The following RIMS2 variants were observed in gnomAD, a reference collection of about 807,000 sequenced individuals.
RIMS2 encodes the protein regulating synaptic membrane exocytosis 2, also known as regulating synaptic membrane exocytosis protein 2.
Under a neutral mutation model 174.4 loss-of-function variants are expected in RIMS2, and 59 were observed. That is an observed-to-expected ratio of 0.34 (90% CI 0.27 to 0.42). RIMS2 has a LOEUF of 0.42. Ranked by LOEUF, RIMS2 falls within the 10% of genes least tolerant of loss-of-function variation. RIMS2 has a pLI of 1.00. For missense variants in RIMS2, 1,620 were observed against 1,666.3 expected, an observed-to-expected ratio of 0.97 and a Z score of 0.48; for synonymous variants, 606 against 572.5, an observed-to-expected ratio of 1.06 and a Z score of -0.84.
At chr8:104,036,236 C>T (rs62527157) in intron 19 of RIMS2, among the ~76,000 whole-genome samples, 27,435 of 151,690 alleles carry the variant, frequency 0.18, 2,784 homozygotes, top group South Asian at 0.35. Flanking sequence ...CTGCAAGCTC[C>T]GCCTCCTGGG....
intron 3 of RIMS2, among the ~76,000 whole-genome samples, chr8:103,775,072 G>T (rs1159312208): frequency 6.6e-6 from 1 of 151,926 alleles, no homozygotes; most frequent in Non-Finnish European, 1.5e-5. Flanking sequence ...AGTAAATTCA[G>T]AGATGCTTAT....
At chr8:103,929,632 A>C (rs1044247131) in intron 11 of RIMS2, among the ~76,000 whole-genome samples, 6 of 151,908 alleles carry the variant, frequency 3.9e-5, no homozygotes, top group Admixed American at 3.3e-4. Flanking sequence ...AATACCATAG[A>C]AATCAGTTGG....
intron 9 of RIMS2, among the ~76,000 whole-genome samples, chr8:103,919,601 G>A (rs927943837): frequency 6.6e-6 from 1 of 151,964 alleles, no homozygotes; most frequent in Non-Finnish European, 1.5e-5. Flanking sequence ...GACTTAAACC[G>A]TGGTGGTAGC....
chr8:103,567,942 G>T (rs1310532977), intron 1 of RIMS2, among the ~76,000 whole-genome samples: 1 of 152,006 alleles, frequency 6.6e-6, no homozygotes, highest in East Asian at 1.9e-4. Context: ...GTGCTCATTG[G>T]CTGTTTTTAT....
chr8:104,156,138 TAA>T (rs2098722365), intron 19 of RIMS2, among the ~76,000 whole-genome samples: 1 of 152,198 alleles, frequency 6.6e-6, no homozygotes. Context: ...CCTGAAAACT[TAA>T]TACAAAAGTT....
chr8:103,864,994 A>G (rs1001542542), intron 3 of RIMS2, among the ~76,000 whole-genome samples: 1 of 152,164 alleles, frequency 6.6e-6, no homozygotes, highest in African/African-American at 2.4e-5. Context: ...TGCTAACCAT[A>G]CTATACTTTC....
chr8:103,623,727 G>T (rs1454631271), intron 1 of RIMS2, among the ~76,000 whole-genome samples: 1 of 151,382 alleles, frequency 6.6e-6, no homozygotes, highest in African/African-American at 2.4e-5. Context: ...CTGACCTCGT[G>T]ATCCGCCCGC....
chr8:103,602,497 C>A (rs2094808037), intron 1 of RIMS2, among the ~76,000 whole-genome samples: 1 of 151,786 alleles, frequency 6.6e-6, no homozygotes, highest in Non-Finnish European at 1.5e-5. Context: ...CTTTTGTTCC[C>A]CTCCTAGTAT....
At chr8:104,195,584 G>A (rs1167389775) in intron 19 of RIMS2, among the ~76,000 whole-genome samples, 2 of 147,672 alleles carry the variant, frequency 1.4e-5, no homozygotes, top group Admixed American at 6.9e-5. Flanking sequence ...GCACGATCTC[G>A]ACTCACTGCA....
At chr8:103,620,407 T>C (rs771227949) in intron 1 of RIMS2, among the ~76,000 whole-genome samples, 1 of 151,922 alleles carries the variant, frequency 6.6e-6, no homozygotes, top group Non-Finnish European at 1.5e-5. Context: ...AACAACTAAA[T>C]GTTGACCGCA....
chr8:103,633,469 G>T (rs1300567575), intron 1 of RIMS2, among the ~76,000 whole-genome samples: 2 of 152,066 alleles, frequency 1.3e-5, no homozygotes, highest in African/African-American at 2.4e-5. Flanking sequence ...TTTATATCAT[G>T]TTCATCAACA....
chr8:103,976,218 GTTTA>G (rs1449614837), intron 16 of RIMS2: 1 of 152,132 alleles, frequency 6.6e-6, no homozygotes, highest in Admixed American at 6.5e-5. Context: ...AGATGGTTTT[GTTTA>G]TTTAAGGAAA....
intron 14 of RIMS2, among the ~76,000 whole-genome samples, chr8:103,951,497 AG>A (rs2085351922): frequency 6.6e-6 from 1 of 152,192 alleles, no homozygotes; most frequent in Non-Finnish European, 1.5e-5. Context: ...TCACCCAGGA[AG>A]TGCAAGGGGT....
intron 19 of RIMS2, among the ~76,000 whole-genome samples, chr8:104,242,362 A>G (rs2099305075): frequency 6.6e-6 from 1 of 152,188 alleles, no homozygotes; most frequent in African/African-American, 2.4e-5. Context: ...ACCTTAAAAA[A>G]TAACAATTTT....
At chr8:103,869,868 A>C (rs1034256096) in intron 3 of RIMS2, among the ~76,000 whole-genome samples, 3 of 152,094 alleles carry the variant, frequency 2.0e-5, no homozygotes, top group Admixed American at 2.0e-4. Flanking sequence ...ACAGTGGTAG[A>C]GTTGTTACTG....
At chr8:104,154,490 C>T (rs987061968) in intron 19 of RIMS2, among the ~76,000 whole-genome samples, 77 of 152,142 alleles carry the variant, frequency 5.1e-4, no homozygotes, top group African/African-American at 1.7e-3. Context: ...TAGGCACATG[C>T]GACTAGTGAT....
chr8:103,531,534 C>T (rs956030772), intron 1 of RIMS2, among the ~76,000 whole-genome samples: 1 of 152,146 alleles, frequency 6.6e-6, no homozygotes, highest in Non-Finnish European at 1.5e-5. Flanking sequence ...CGTGCCCACA[C>T]CCTCATACCT....
chr8:103,507,407 A>G (rs895209170), intron 1 of RIMS2, among the ~76,000 whole-genome samples: 3 of 152,118 alleles, frequency 2.0e-5, no homozygotes, highest in Non-Finnish European at 4.4e-5. Flanking sequence ...TCACTAATGC[A>G]GCTTCAACTT....
At chr8:104,207,030 C>T (rs914946216) in intron 19 of RIMS2, among the ~76,000 whole-genome samples, 2 of 151,866 alleles carry the variant, frequency 1.3e-5, no homozygotes, top group Non-Finnish European at 2.9e-5. Context: ...TTAAATTTGC[C>T]TAAAATCAAA....
Sources: allele counts gnomAD v4.1 joint callset (sites outside exome capture counted in the v4.1 genomes callset), GRCh38; gene constraint gnomAD v4.1.1; transcripts MANE v1.5; gene names NCBI Gene and HGNC (gene_info 2026-07-23, HGNC 2026-07-21).